IMMP2L: variants seen among roughly 807,000 people sequenced by gnomAD.
IMMP2L encodes the protein inner mitochondrial membrane peptidase subunit 2.
A neutral mutation model predicts 19.3 loss-of-function variants in IMMP2L; 18 were observed. The observed-to-expected ratio is 0.93, with a 90% confidence interval of 0.64 to 1.38. The LOEUF (loss-of-function observed/expected upper bound fraction) is 1.38. Among genes scored for constraint, IMMP2L ranks in the 40% most tolerant of loss-of-function variants. IMMP2L has a pLI of 0.00. For synonymous variants in IMMP2L, 76 were observed against 73.0 expected, an observed-to-expected ratio of 1.04 and a Z score of -0.21; for missense variants, 233 against 218.2, an observed-to-expected ratio of 1.07 and a Z score of -0.43.
intron 5 of IMMP2L, among the ~76,000 whole-genome samples, chr7:110,670,155 G>A (rs1032720696): frequency 6.6e-6 from 1 of 152,128 alleles, no homozygotes; most frequent in Non-Finnish European, 1.5e-5. Flanking sequence ...AGGAGATTAT[G>A]ACACACAGAG....
chr7:111,369,310 T>G (rs544239832), intron 3 of IMMP2L, among the ~76,000 whole-genome samples: 51 of 152,090 alleles, frequency 3.4e-4, no homozygotes, highest in African/African-American at 1.2e-3. Context: ...GGTTTTTACA[T>G]TTTGTAATAC....
chr7:111,012,525 G>A (rs948289008), intron 3 of IMMP2L, among the ~76,000 whole-genome samples: 1 of 151,636 alleles, frequency 6.6e-6, no homozygotes, highest in African/African-American at 2.4e-5. Context: ...TTAACATAGG[G>A]GCAAATGAAA....
At chr7:111,294,019 G>A (rs1317013906) in intron 3 of IMMP2L, among the ~76,000 whole-genome samples, 1 of 151,872 alleles carries the variant, frequency 6.6e-6, no homozygotes, top group Non-Finnish European at 1.5e-5. Flanking sequence ...AAACTTCTTT[G>A]AAAGTCACTG....
chr7:110,744,369 G>T (rs769430840), intron 5 of IMMP2L, among the ~76,000 whole-genome samples: 1 of 152,184 alleles, frequency 6.6e-6, no homozygotes, highest in Non-Finnish European at 1.5e-5. Context: ...GAGAGCAGTG[G>T]GTCTACCAGC....
At chr7:110,946,707 A>C (rs184451482) in intron 4 of IMMP2L, among the ~76,000 whole-genome samples, 75 of 148,202 alleles carry the variant, frequency 5.1e-4, no homozygotes, top group Non-Finnish European at 8.6e-4. Context: ...TGTTAAGAAA[A>C]CATTTAATAC....
chr7:110,729,742 C>A (rs914731290), intron 5 of IMMP2L, among the ~76,000 whole-genome samples: 2 of 152,088 alleles, frequency 1.3e-5, no homozygotes, highest in African/African-American at 4.8e-5. Context: ...GTGGGGGGAA[C>A]AACCCACACT....
intron 3 of IMMP2L, among the ~76,000 whole-genome samples, chr7:111,377,942 T>C (rs1371096139): frequency 6.6e-6 from 1 of 151,732 alleles, no homozygotes; most frequent in East Asian, 1.9e-4. Context: ...TAATTCTAAC[T>C]TAACTTAGTT....
At chr7:110,813,510 C>A (rs1212323519) in intron 5 of IMMP2L, among the ~76,000 whole-genome samples, 1 of 151,496 alleles carries the variant, frequency 6.6e-6, no homozygotes, top group South Asian at 2.1e-4. Flanking sequence ...ACACAGTGGC[C>A]CTGATCTCCC....
chr7:110,934,189 C>T (rs1215690112), intron 4 of IMMP2L, among the ~76,000 whole-genome samples: 1 of 152,176 alleles, frequency 6.6e-6, no homozygotes. Flanking sequence ...TTTGATTGTA[C>T]TGTGGTCTGA....
At chr7:111,243,620 T>C (rs28722901) in intron 3 of IMMP2L, among the ~76,000 whole-genome samples, 11,568 of 123,114 alleles carry the variant, frequency 0.094, 733 homozygotes, top group African/African-American at 0.16. Flanking sequence ...CACCCACTAA[T>C]GTGTCATCTA....
At chr7:111,306,440 G>A (rs143820573) in intron 3 of IMMP2L, among the ~76,000 whole-genome samples, 38 of 152,092 alleles carry the variant, frequency 2.5e-4, no homozygotes, top group Admixed American at 4.6e-4. Flanking sequence ...TGTATGTTCC[G>A]TTCAATTTCT....
intron 3 of IMMP2L, among the ~76,000 whole-genome samples, chr7:111,240,619 G>A (rs546489113): frequency 6.6e-6 from 1 of 151,954 alleles, no homozygotes; most frequent in East Asian, 1.9e-4. Context: ...TTGTATCTAC[G>A]ACAGTCCCAT....
intron 5 of IMMP2L, among the ~76,000 whole-genome samples, chr7:110,866,315 G>A (rs1176451315): frequency 6.6e-6 from 1 of 151,894 alleles, no homozygotes; most frequent in Non-Finnish European, 1.5e-5. Context: ...TCTGGTAGTT[G>A]GTTGTGGAGA....
At chr7:111,512,938 T>C (rs1051894703) in intron 2 of IMMP2L, among the ~76,000 whole-genome samples, 16 of 152,236 alleles carry the variant, frequency 1.1e-4, no homozygotes, top group African/African-American at 3.9e-4. Context: ...TCACACCATA[T>C]ACAAAAATCA....
intron 3 of IMMP2L, among the ~76,000 whole-genome samples, chr7:111,314,241 A>G (rs931609733): frequency 6.6e-6 from 1 of 152,170 alleles, no homozygotes; most frequent in African/African-American, 2.4e-5. Context: ...CTTCTAAAGA[A>G]TACAAGAAAA....
intron 1 of IMMP2L, among the ~76,000 whole-genome samples, chr7:111,556,037 C>CATATAT: frequency 9.2e-6 from 1 of 108,236 alleles, no homozygotes; most frequent in Non-Finnish European, 1.8e-5. Flanking sequence ...TATATATATA[C>CATATAT]ATACCCAAAG....
chr7:111,028,114 G>T (rs1234519841), intron 3 of IMMP2L, among the ~76,000 whole-genome samples: 1 of 151,998 alleles, frequency 6.6e-6, no homozygotes, highest in Non-Finnish European at 1.5e-5. Flanking sequence ...ACAAATGGAA[G>T]AAATAAATTT....
At chr7:111,269,463 T>C (rs937684956) in intron 3 of IMMP2L, among the ~76,000 whole-genome samples, 2 of 152,166 alleles carry the variant, frequency 1.3e-5, no homozygotes, top group Non-Finnish European at 2.9e-5. Flanking sequence ...AAAAATTATA[T>C]GTGTTTGCTA....
rs572115174 is a variant in IMMP2L at position 111,412,827 on chromosome 7, AT to A, written c.239+74410del. The stretch of plus-strand genomic sequence containing the variant: ...TTTGAGAGCCACTGGTTTAGAAGAA[AT>A]TTTTTTTTTAAATAAACTTCTACGT... On this transcript the variant is annotated intron_variant, in intron 3 of 5. Coordinates refer to ENST00000405709, the MANE Select transcript of IMMP2L (RefSeq NM_032549.4). 1.0e-3 allele frequency among the ~76,000 whole-genome samples: 150 copies of A among 150,600 alleles called. 4 individuals are homozygous for A. In the South Asian group the frequency reaches 0.013, roughly 13 times the overall value.
Sources: gnomAD v4.1 joint callset for allele counts (sites outside exome capture counted in the v4.1 genomes callset) on GRCh38, gnomAD v4.1.1 for gene constraint, MANE v1.5 for transcripts, NCBI Gene and HGNC (gene_info 2026-07-23, HGNC 2026-07-21) for gene names.